Variants in DIPK1A observed in about 807,000 individuals in gnomAD.
DIPK1A encodes the protein divergent protein kinase domain 1A, also known as family with sequence similarity 69 member A.
Under a neutral mutation model 40.8 loss-of-function variants are expected in DIPK1A, and 27 were observed. That is an observed-to-expected ratio of 0.66 (90% CI 0.49 to 0.91). DIPK1A has a LOEUF of 0.91. Ranked by LOEUF, DIPK1A falls within the 40% of genes least tolerant of loss-of-function variation. The probability of loss-of-function intolerance (pLI) is 0.00; values close to 1 mark genes in which losing one functional copy is unlikely to be tolerated. For missense variants in DIPK1A, 412 were observed against 505.7 expected (o/e 0.81, Z 1.78); for synonymous variants, 166 against 171.3 (o/e 0.97, Z 0.24).
intron 2 of DIPK1A, among the ~76,000 whole-genome samples, chr1:92,874,868 C>A (rs1648043246): frequency 6.6e-6 from 1 of 152,058 alleles, no homozygotes; most frequent in Non-Finnish European, 1.5e-5. Context: ...TTTATCTGTA[C>A]ACTATTATGC....
At chr1:92,924,978 T>A (rs1650432520) in intron 1 of DIPK1A, among the ~76,000 whole-genome samples, 1 of 152,248 alleles carries the variant, frequency 6.6e-6, no homozygotes, top group African/African-American at 2.4e-5. Context: ...TTGATGAAAC[T>A]ATCTTCTAAT....
At chr1:92,855,584 G>C (rs1687962562) in intron 2 of DIPK1A, among the ~76,000 whole-genome samples, 1 of 151,166 alleles carries the variant, frequency 6.6e-6, no homozygotes, top group Non-Finnish European at 1.5e-5. Context: ...TGTGCCTGTA[G>C]TCCCAGCTAC....
chr1:92,870,333 C>G (rs975770278), intron 2 of DIPK1A, among the ~76,000 whole-genome samples: 1 of 152,192 alleles, frequency 6.6e-6, no homozygotes, highest in Non-Finnish European at 1.5e-5. Context: ...TCCAGCGATT[C>G]TCCTGCCTCA....
chr1:92,904,123 A>T lies in DIPK1A; in HGVS notation c.55-27693T>A, dbSNP rs191707937. ...GAAGGCTGAAACCAAAACAAAACTT[A>T]TAGAAAATGTTTCAGAGACAAATGA... On this transcript the variant is annotated intron_variant, in intron 1 of 4. Transcript: ENST00000370310. Among the ~76,000 whole-genome samples, 172 of 152,360 alleles carry T rather than the reference A, an allele frequency of 1.1e-3. 1 individual carries two copies. Among genetic ancestry groups the T allele is most frequent in the Admixed American group, 2.2e-3 (33 of 15,310 alleles).
At chr1:92,855,562 G>A (rs1028503227) in intron 2 of DIPK1A, among the ~76,000 whole-genome samples, 3 of 151,478 alleles carry the variant, frequency 2.0e-5, no homozygotes, top group African/African-American at 7.3e-5. Context: ...AAATTAGCCA[G>A]GCATGGTGGT....
intron 4 of DIPK1A, chr1:92,833,261 G>A (rs527873575): frequency 1.3e-6 from 1 of 773,352 alleles, no homozygotes; most frequent in East Asian, 2.7e-5. Flanking sequence ...TGAAACCTGG[G>A]ATTCTACAAG....
chr1:92,910,272 CTT>C (rs1417875927), intron 1 of DIPK1A, among the ~76,000 whole-genome samples: 2 of 152,112 alleles, frequency 1.3e-5, no homozygotes, highest in African/African-American at 2.4e-5. Flanking sequence ...TTGTTGATCT[CTT>C]GAGTCAGAAT....
At chr1:92,893,046 G>A (rs1488187305) in intron 1 of DIPK1A, among the ~76,000 whole-genome samples, 11 of 152,146 alleles carry the variant, frequency 7.2e-5, no homozygotes, top group Admixed American at 3.9e-4. Context: ...TGAAAGTGAC[G>A]GGGAGAATGG....
chr1:92,856,967 C>A (rs1275119712), intron 2 of DIPK1A, among the ~76,000 whole-genome samples: 1 of 152,000 alleles, frequency 6.6e-6, no homozygotes, highest in Non-Finnish European at 1.5e-5. Context: ...ACTATGCAGT[C>A]ATTAAAATGA....
rs144251043 is a variant in DIPK1A at position 92,864,268 on chromosome 1, A to G, written c.189+12028T>C. Among the ~76,000 whole-genome samples, 25 of 152,304 alleles carry G rather than the reference A, an allele frequency of 1.6e-4. No individual in the cohort carries two copies. The East Asian group carries it at 4.6e-3, about 28-fold the overall frequency. ...TGAAAACATGGTTCCAAATATCTTA[A>G]ATTTAGTATATCTTATGTTAGTTGC... is the stretch of plus-strand genomic sequence containing the variant. On this transcript the variant is annotated intron_variant, in intron 2 of 4. Transcript: ENST00000370310.
intron 1 of DIPK1A, among the ~76,000 whole-genome samples, chr1:92,893,971 C>T (rs1394338308): frequency 1.1e-4 from 16 of 151,970 alleles, no homozygotes; most frequent in Non-Finnish European, 1.5e-5. Context: ...AATATATATG[C>T]ACCCAATACA....
intron 2 of DIPK1A, among the ~76,000 whole-genome samples, chr1:92,863,436 A>C (rs141012150): frequency 2.0e-5 from 3 of 152,142 alleles, no homozygotes; most frequent in Non-Finnish European, 4.4e-5. Context: ...AAGTGCTACT[A>C]TGATTTAAGA....
intron 1 of DIPK1A, among the ~76,000 whole-genome samples, chr1:92,896,930 A>C (rs1423587620): frequency 6.6e-6 from 1 of 152,142 alleles, no homozygotes; most frequent in African/African-American, 2.4e-5. Flanking sequence ...GCCATCAGAG[A>C]AATGCAAATC....
intron 2 of DIPK1A, among the ~76,000 whole-genome samples, chr1:92,863,219 A>T (rs913661323): frequency 6.6e-6 from 1 of 152,196 alleles, no homozygotes; most frequent in Non-Finnish European, 1.5e-5. Context: ...CCCAGGCTCA[A>T]GCACAGTGCA....
chr1:92,915,629 G>C (rs1650023104), intron 1 of DIPK1A, among the ~76,000 whole-genome samples: 1 of 152,150 alleles, frequency 6.6e-6, no homozygotes, highest in Non-Finnish European at 1.5e-5. Context: ...ACTGGAAGGG[G>C]ATGTCAAAAG....
rs569362298 is a variant in DIPK1A, at chr1:92,916,673, G to A, written c.55-40243C>T. ...ATTTTTCTTAACAATCTCTGAAAAT[G>A]GAGTCTACAATCTCCCCCAGGAGGC... On this transcript the variant is annotated intron_variant, in intron 1 of 4. Coordinates refer to ENST00000370310, the MANE Select transcript of DIPK1A (RefSeq NM_001006605.5). Among the ~76,000 whole-genome samples the A allele has an allele frequency of 1.2e-3, 177 of 152,156 alleles. 1 individual carries two copies. Among genetic ancestry groups the A allele is most frequent in the Admixed American group, 2.2e-3 (34 of 15,274 alleles).
intron 1 of DIPK1A, among the ~76,000 whole-genome samples, chr1:92,892,442 T>C (rs1051839266): frequency 1.3e-5 from 2 of 152,118 alleles, no homozygotes; most frequent in Admixed American, 6.5e-5. Context: ...CTGAGGGTCC[T>C]AACTGTTAGA....
At chr1:92,851,705 A>T (rs1159461919) in intron 2 of DIPK1A, among the ~76,000 whole-genome samples, 1 of 152,152 alleles carries the variant, frequency 6.6e-6, no homozygotes, top group Non-Finnish European at 1.5e-5. Context: ...ATGAAACCCT[A>T]GGCACAATAA....
chr1:92,852,904 TG>T (rs1644112670), intron 2 of DIPK1A, among the ~76,000 whole-genome samples: 1 of 151,904 alleles, frequency 6.6e-6, no homozygotes, highest in Non-Finnish European at 1.5e-5. Context: ...TAGCTGGGTT[TG>T]GGGGCACATA....
Sources: allele counts gnomAD v4.1 joint callset (sites outside exome capture counted in the v4.1 genomes callset), GRCh38; gene constraint gnomAD v4.1.1; transcripts MANE v1.5; gene names NCBI Gene and HGNC (gene_info 2026-07-23, HGNC 2026-07-21).